The following SLC8A3 variants were observed in gnomAD, a reference collection of about 807,000 sequenced individuals.
SLC8A3 encodes sodium/calcium exchanger 3.
Under a neutral mutation model 65.4 loss-of-function variants are expected in SLC8A3, and 37 were observed. That is an observed-to-expected ratio of 0.57 (90% CI 0.44 to 0.74). The LOEUF is 0.74. Among genes scored for constraint, SLC8A3 ranks in the 30% least tolerant of loss-of-function variants. The pLI is 0.00. For synonymous variants in SLC8A3, 461 were observed against 444.5 expected, an observed-to-expected ratio of 1.04 and a Z score of -0.47; for missense variants, 1,112 against 1,172.1, an observed-to-expected ratio of 0.95 and a Z score of 0.75.
At chr14:70,049,390 AC>A (rs1179836346) in intron 5 of SLC8A3, among the ~76,000 whole-genome samples, 2 of 152,108 alleles carry the variant, frequency 1.3e-5, no homozygotes, top group Admixed American at 1.3e-4. Context: ...AGAACAGAAA[AC>A]CAAACACTGC....
intron 3 of SLC8A3, among the ~76,000 whole-genome samples, chr14:70,059,807 T>A (rs1454871246): frequency 6.6e-6 from 1 of 152,170 alleles, no homozygotes; most frequent in Non-Finnish European, 1.5e-5. Flanking sequence ...ACTGCATCAT[T>A]TAGAGTCTCT....
chr14:70,080,222 G>A, intron 2 of SLC8A3: 1 of 985,334 alleles, frequency 1.0e-6, no homozygotes, highest in Non-Finnish European at 1.2e-6. Context: ...ATATTTAGAT[G>A]CCTTAGCGCT....
chr14:70,092,659 C>T (rs2140067374), intron 2 of SLC8A3, among the ~76,000 whole-genome samples: 1 of 152,262 alleles, frequency 6.6e-6, no homozygotes. Flanking sequence ...AGTCCATTTC[C>T]AACATTTAAA....
intron 2 of SLC8A3, among the ~76,000 whole-genome samples, chr14:70,147,947 T>G (rs55921602): frequency 0.12 from 17,779 of 152,272 alleles, 1,117 homozygotes; most frequent in Middle Eastern, 0.16. Context: ...AAGCTGATGC[T>G]TTCCTCCTTT....
intron 6 of SLC8A3, chr14:70,048,376 T>C (rs998318487): frequency 4.9e-5 from 25 of 513,756 alleles, no homozygotes; most frequent in South Asian, 9.2e-5. Flanking sequence ...TCACTGTTTG[T>C]GGTCTACTCA....
chr14:70,142,338 G>A (rs1254513337), intron 2 of SLC8A3, among the ~76,000 whole-genome samples: 3 of 152,244 alleles, frequency 2.0e-5, no homozygotes, highest in African/African-American at 7.2e-5. Flanking sequence ...TCAGGTGAAA[G>A]CAGGATGTGG....
At chr14:70,142,500 G>A (rs1213174044) in intron 2 of SLC8A3, among the ~76,000 whole-genome samples, 1 of 152,206 alleles carries the variant, frequency 6.6e-6, no homozygotes, top group African/African-American at 2.4e-5. Flanking sequence ...GTGTAAGACT[G>A]CATTCTTGGT....
At chr14:70,147,012 C>A (rs1227594868) in intron 2 of SLC8A3, among the ~76,000 whole-genome samples, 2 of 152,206 alleles carry the variant, frequency 1.3e-5, no homozygotes, top group Non-Finnish European at 2.9e-5. Flanking sequence ...TTGTGACCAG[C>A]AGCCTGTATT....
At chr14:70,059,501 C>T (rs746016966) in intron 3 of SLC8A3, 1 of 152,220 alleles carries the variant, frequency 6.6e-6, no homozygotes, top group Non-Finnish European at 1.5e-5. Context: ...CCCATTCCCA[C>T]ATCTATGCCT....
At chr14:70,077,145 T>C (rs1352628032) in intron 2 of SLC8A3, among the ~76,000 whole-genome samples, 2 of 151,050 alleles carry the variant, frequency 1.3e-5, no homozygotes, top group East Asian at 3.9e-4. Flanking sequence ...ATAAAGTGAT[T>C]TTTTTTTTCT....
intron 2 of SLC8A3, among the ~76,000 whole-genome samples, chr14:70,161,110 C>T (rs983211812): frequency 1.8e-4 from 26 of 144,542 alleles, no homozygotes; most frequent in African/African-American, 5.9e-4. Context: ...ATATATTAGC[C>T]GGACGTGGTG....
intron 2 of SLC8A3, among the ~76,000 whole-genome samples, chr14:70,138,344 C>A (rs1222603919): frequency 2.6e-5 from 4 of 152,190 alleles, no homozygotes; most frequent in Non-Finnish European, 5.9e-5. Context: ...GAGTACCTGG[C>A]ACATAGTAGG....
chr14:70,152,630 C>G (rs901477280), intron 2 of SLC8A3, among the ~76,000 whole-genome samples: 5 of 152,090 alleles, frequency 3.3e-5, no homozygotes, highest in African/African-American at 1.2e-4. Context: ...CCTACACACC[C>G]AAGAAAAATC....
intron 2 of SLC8A3, among the ~76,000 whole-genome samples, chr14:70,111,886 G>C (rs948717157): frequency 1.3e-5 from 2 of 152,202 alleles, no homozygotes; most frequent in Non-Finnish European, 2.9e-5. Context: ...GAGGAGGAAA[G>C]GGGCCAGGGC....
intron 2 of SLC8A3, among the ~76,000 whole-genome samples, chr14:70,156,105 G>C (rs1377296101): frequency 6.6e-6 from 1 of 152,144 alleles, no homozygotes; most frequent in African/African-American, 2.4e-5. Context: ...CCTGCGGTGG[G>C]GAGCTGGCTT....
chr14:70,089,044 G>A (rs10873226), intron 2 of SLC8A3, among the ~76,000 whole-genome samples: 71,342 of 151,988 alleles, frequency 0.47, 17,033 homozygotes, highest in South Asian at 0.65. Flanking sequence ...CACAGCTGAA[G>A]TTATCTGTTC....
At chr14:70,173,612 G>T (rs1280825532) in intron 1 of SLC8A3, among the ~76,000 whole-genome samples, 1 of 152,172 alleles carries the variant, frequency 6.6e-6, no homozygotes, top group Admixed American at 6.5e-5. Context: ...ACTGCTCCGG[G>T]CATGTCACCA....
chr14:70,154,865 T>C (rs546382600), intron 2 of SLC8A3, among the ~76,000 whole-genome samples: 41 of 152,172 alleles, frequency 2.7e-4, no homozygotes, highest in African/African-American at 9.4e-4. Context: ...GTATACAAAG[T>C]GTAATGATCA....
chr14:70,154,752 CAT>C (rs964349404), intron 2 of SLC8A3, among the ~76,000 whole-genome samples: 6 of 152,056 alleles, frequency 3.9e-5, no homozygotes, highest in African/African-American at 9.7e-5. Context: ...TTAATGGTTA[CAT>C]ATGTTTTGTA....
Sources: gnomAD v4.1 joint callset for allele counts (sites outside exome capture counted in the v4.1 genomes callset) on GRCh38, gnomAD v4.1.1 for gene constraint, MANE v1.5 for transcripts, NCBI Gene and HGNC (gene_info 2026-07-23, HGNC 2026-07-21) for gene names.